CDYL: variants seen among roughly 807,000 people sequenced by gnomAD.
CDYL encodes chromodomain Y-like protein.
In CDYL, 8 loss-of-function variants were observed where a neutral mutation model predicts 47.3. That is an observed-to-expected ratio of 0.17 (90% CI 0.10 to 0.31). The LOEUF is 0.31. CDYL is among the 10% of genes least tolerant of loss of function. The probability of loss-of-function intolerance (pLI) is 1.00; values close to 1 mark genes in which losing one functional copy is unlikely to be tolerated. For synonymous variants in CDYL, 266 were observed against 265.0 expected (o/e 1.00, Z -0.04); for missense variants, 471 against 701.4 (o/e 0.67, Z 3.71).
At chr6:4,830,556 T>C (rs1464773078) in intron 1 of CDYL, among the ~76,000 whole-genome samples, 4 of 152,198 alleles carry the variant, frequency 2.6e-5, no homozygotes, top group East Asian at 1.9e-4. Context: ...CTTTGAAATA[T>C]GTTATTCATA....
intron 1 of CDYL, among the ~76,000 whole-genome samples, chr6:4,832,595 T>A (rs1275444124): frequency 7.4e-5 from 11 of 148,590 alleles, no homozygotes; most frequent in African/African-American, 2.5e-4. Flanking sequence ...CCTCATAAAA[T>A]GAGTTAGGGA....
intron 1 of CDYL, among the ~76,000 whole-genome samples, chr6:4,713,901 T>C (rs1180325117): frequency 6.6e-6 from 1 of 152,176 alleles, no homozygotes; most frequent in Non-Finnish European, 1.5e-5. Flanking sequence ...ATTCATTTAT[T>C]TTGGCTTAAC....
At chr6:4,853,016 C>T (rs1178044501) in intron 1 of CDYL, among the ~76,000 whole-genome samples, 7 of 152,146 alleles carry the variant, frequency 4.6e-5, no homozygotes, top group Admixed American at 4.6e-4. Context: ...TCTTGAACTC[C>T]TGGCCTCAAG....
upstream of CDYL, chr6:4,773,297 G>A: frequency 2.5e-6 from 1 of 405,978 alleles, no homozygotes; most frequent in Non-Finnish European, 4.9e-6. The surrounding 1 kb of genome is among the most constrained non-coding windows in gnomAD (Gnocchi z 4.6). Context: ...ATGGTATTGT[G>A]CTGTATGTAT....
chr6:4,787,788 T>TTTG (rs1554098011), intron 1 of CDYL, among the ~76,000 whole-genome samples: 2 of 141,720 alleles, frequency 1.4e-5, no homozygotes, highest in Non-Finnish European at 3.0e-5. Context: ...TTTTTTTTTT[T>TTTG]GGGAGACAGA....
At chr6:4,754,518 T>TTG (rs1346793043) in intron 3 of CDYL, among the ~76,000 whole-genome samples, 1 of 152,216 alleles carries the variant, frequency 6.6e-6, no homozygotes, top group African/African-American at 2.4e-5. Flanking sequence ...TTGTGACAAT[T>TTG]TGGACAAAGA....
At chr6:4,712,600 C>T (rs1383725948) in intron 1 of CDYL, among the ~76,000 whole-genome samples, 1 of 152,222 alleles carries the variant, frequency 6.6e-6, no homozygotes, top group East Asian at 1.9e-4. Context: ...ACTCTCATGC[C>T]CTGTGTCTTT....
intron 2 of CDYL, among the ~76,000 whole-genome samples, chr6:4,722,661 G>A (rs537042655): frequency 2.4e-4 from 36 of 152,310 alleles, no homozygotes; most frequent in Admixed American, 1.8e-3. Context: ...TAGATGGCTT[G>A]AGGCCAGGAG....
intron 1 of CDYL, among the ~76,000 whole-genome samples, chr6:4,812,380 C>T (rs1023926219): frequency 2.6e-5 from 4 of 152,132 alleles, no homozygotes; most frequent in Non-Finnish European, 4.4e-5. Context: ...TCCGGTGTAG[C>T]GGTGAACTCA....
chr6:4,730,775 C>T (rs542003013), intron 2 of CDYL, among the ~76,000 whole-genome samples: 78 of 150,100 alleles, frequency 5.2e-4, no homozygotes, highest in African/African-American at 1.8e-3. Context: ...TCTGAAACAA[C>T]ACAGAAGAGT....
chr6:4,716,504 T>C (rs1340229849), intron 2 of CDYL, among the ~76,000 whole-genome samples: 1 of 152,152 alleles, frequency 6.6e-6, no homozygotes, highest in East Asian at 1.9e-4. Flanking sequence ...TGAGACATCG[T>C]TGGCTTCCTT....
At chr6:4,789,335 A>G (rs925194300) in intron 1 of CDYL, among the ~76,000 whole-genome samples, 1 of 152,102 alleles carries the variant, frequency 6.6e-6, no homozygotes, top group African/African-American at 2.4e-5. Context: ...TAGCCTCCCA[A>G]GGTGCTGAGA....
rs984708370 is a variant in CDYL at position 4,954,380 on chromosome 6, C to A, written c.*324C>A. On this transcript the variant is annotated 3_prime_UTR_variant, in exon 7 of 7. Coordinates refer to ENST00000397588, the MANE Select transcript of CDYL (RefSeq NM_004824.4). ...TCTTTGGCTAGTACTGTATAAAAAA[C>A]AGAATTGTGTTTTATTGGTTTTGGA... 8.2e-5 allele frequency: 14 copies of A among 171,068 alleles called. No homozygotes were observed. The highest frequency in any genetic ancestry group is 3.3e-4 in the African/African-American group (14 of 42,260). The allele number at this position is 171,068 out of a possible 1,614,324, so 10.6% of individuals were successfully genotyped here. A position where few individuals can be genotyped will look rare whatever the true frequency, so the allele number is the denominator to read the frequency against.
intron 2 of CDYL, among the ~76,000 whole-genome samples, chr6:4,912,749 G>A (rs929811037): frequency 4.6e-5 from 7 of 152,200 alleles, no homozygotes; most frequent in African/African-American, 1.4e-4. Flanking sequence ...TGAGGACTCT[G>A]CTGAGTTCCC....
chr6:4,812,135 T>G (rs916585718), intron 1 of CDYL, among the ~76,000 whole-genome samples: 1 of 152,232 alleles, frequency 6.6e-6, no homozygotes, highest in African/African-American at 2.4e-5. Context: ...TTTTCTATAG[T>G]GAACATAGAA....
intron 1 of CDYL, among the ~76,000 whole-genome samples, chr6:4,855,654 T>G (rs554887587): frequency 1.2e-4 from 19 of 152,346 alleles, no homozygotes; most frequent in Non-Finnish European, 2.6e-4. Flanking sequence ...CAAAAAGTTT[T>G]CTGGACTGTA....
chr6:4,797,252 C>A (rs1759097395), intron 1 of CDYL, among the ~76,000 whole-genome samples: 1 of 152,048 alleles, frequency 6.6e-6, no homozygotes, highest in Non-Finnish European at 1.5e-5. Flanking sequence ...TGTAATCTTA[C>A]CCTCCACTAG....
intron 2 of CDYL, among the ~76,000 whole-genome samples, chr6:4,893,225 C>T (rs1762100296): frequency 6.6e-6 from 1 of 152,222 alleles, no homozygotes; most frequent in East Asian, 1.9e-4. Flanking sequence ...GCCCCCACCC[C>T]ATTGCCTTCA....
In CDYL at chr6:4,926,327, A is replaced by G. The variant is rs1272364753; in HGVS notation, c.692-9188A>G. On this transcript the variant is annotated intron_variant, in intron 2 of 6. Transcript: ENST00000397588. ...TTACGTTCAATATATGTAAATAACA[A>G]TATTTTGAAATATTAAACTCCATAA... is the stretch of plus-strand genomic sequence containing the variant. 8.0e-4 allele frequency among the ~76,000 whole-genome samples: 121 copies of G among 152,032 alleles called. 1 individual carries two copies. Among genetic ancestry groups the G allele is most frequent in the Non-Finnish European group, 4.4e-5 (3 of 68,050 alleles).
Sources: allele counts gnomAD v4.1 joint callset (sites outside exome capture counted in the v4.1 genomes callset), GRCh38; gene constraint gnomAD v4.1.1; non-coding constraint Gnocchi (gnomAD v3.1); transcripts MANE v1.5; gene names NCBI Gene and HGNC (gene_info 2026-07-23, HGNC 2026-07-21).